TRHDE: variants seen among roughly 807,000 people sequenced by gnomAD.
TRHDE encodes thyrotropin-releasing hormone-degrading ectoenzyme.
In TRHDE, 72 loss-of-function variants were observed where a neutral mutation model predicts 125.7. The observed-to-expected ratio is 0.57, with a 90% CI of 0.47 to 0.70. TRHDE has a LOEUF of 0.70. Ranked by LOEUF, TRHDE falls within the 30% of genes least tolerant of loss-of-function variation. The pLI is 0.00. For missense variants in TRHDE, 1,110 were observed against 1,327.1 expected (o/e 0.84, Z 2.54); for synonymous variants, 509 against 509.1 (o/e 1.00, Z 0.00).
At chr12:72,452,655 T>C (rs894598403) in intron 3 of TRHDE, among the ~76,000 whole-genome samples, 6 of 152,128 alleles carry the variant, frequency 3.9e-5, no homozygotes, top group African/African-American at 1.2e-4. Flanking sequence ...CTGTTGAAGA[T>C]GGGGCCTGAT....
chr12:72,277,907 T>C (rs1310243503), intron 1 of TRHDE, among the ~76,000 whole-genome samples: 2 of 152,194 alleles, frequency 1.3e-5, no homozygotes, highest in African/African-American at 4.8e-5. Flanking sequence ...ATGTAGTTAA[T>C]TAACAAATGC....
intron 2 of TRHDE, among the ~76,000 whole-genome samples, chr12:72,295,156 G>T (rs1264296156): frequency 6.7e-6 from 1 of 149,144 alleles, no homozygotes; most frequent in Non-Finnish European, 1.5e-5. Context: ...GGGTGGTTGG[G>T]GGGTGGGAGG....
chr12:72,633,473 C>G (rs551333208), intron 15 of TRHDE, among the ~76,000 whole-genome samples: 36 of 152,110 alleles, frequency 2.4e-4, no homozygotes, highest in African/African-American at 8.2e-4. Flanking sequence ...TCCTTTGTTT[C>G]GAGATTTTCC....
intron 3 of TRHDE, among the ~76,000 whole-genome samples, chr12:72,457,151 C>T (rs950722726): frequency 1.3e-5 from 2 of 151,932 alleles, no homozygotes; most frequent in Non-Finnish European, 2.9e-5. Context: ...GATGGTATTT[C>T]GAACGGAAAG....
At position 72,469,278 on chromosome 12, in the gene TRHDE, T is replaced by C. The variant is rs986145751; in HGVS notation, c.1316-480T>C. ...TGTAACATATTTCTTTTAACATAAC[T>C]GAAAAAATACACTAGAATTTAAGCA... is the stretch of plus-strand genomic sequence containing the variant. On this transcript the variant is annotated intron_variant, in intron 3 of 18. Transcript: ENST00000261180. 3.9e-5 allele frequency among the ~76,000 whole-genome samples: 6 copies of C among 152,138 alleles called. No individual in the cohort carries two copies. In the South Asian group the frequency reaches 1.2e-3, roughly 32 times the overall value.
chr12:72,300,478 A>G (rs950213016), intron 2 of TRHDE, among the ~76,000 whole-genome samples: 1 of 151,834 alleles, frequency 6.6e-6, no homozygotes, highest in African/African-American at 2.4e-5. Flanking sequence ...ATACACATAG[A>G]CATATACATG....
intron 2 of TRHDE, among the ~76,000 whole-genome samples, chr12:72,316,157 G>A (rs776128760): frequency 1.6e-4 from 24 of 152,030 alleles, no homozygotes; most frequent in Non-Finnish European, 3.1e-4. Context: ...ATTTTTCCTT[G>A]AAAAGACACT....
At chr12:72,216,056 A>G (rs1877883850) in intron 2 of TRHDE, among the ~76,000 whole-genome samples, 1 of 152,148 alleles carries the variant, frequency 6.6e-6, no homozygotes, top group Non-Finnish European at 1.5e-5. Context: ...CCTTTTCTTC[A>G]TTTGTAAGAT....
At chr12:72,591,913 G>A (rs1200170453) in intron 12 of TRHDE, among the ~76,000 whole-genome samples, 1 of 151,152 alleles carries the variant, frequency 6.6e-6, no homozygotes, top group Non-Finnish European at 1.5e-5. Context: ...TGTATTCAAA[G>A]TGTGATTTTT....
intron 2 of TRHDE, among the ~76,000 whole-genome samples, chr12:72,125,950 C>T (rs1024855962): frequency 2.0e-5 from 3 of 152,024 alleles, no homozygotes; most frequent in Non-Finnish European, 2.9e-5. Flanking sequence ...CCTGAGTTTG[C>T]AGAACAGAGT....
chr12:72,404,332 T>C (rs529907961), intron 3 of TRHDE, among the ~76,000 whole-genome samples: 1 of 152,250 alleles, frequency 6.6e-6, no homozygotes, highest in African/African-American at 2.4e-5. Context: ...CTGCAGAGGC[T>C]GAGACAGGAG....
chr12:72,212,897 G>A (rs1052752012), intron 2 of TRHDE, among the ~76,000 whole-genome samples: 9 of 152,026 alleles, frequency 5.9e-5, no homozygotes, highest in African/African-American at 1.7e-4. Context: ...TCATAGCAGC[G>A]TTATTCATAA....
At position 72,287,292 on chromosome 12, in the gene TRHDE, C is replaced by T. The variant is rs1236518687; in HGVS notation, c.1188+338C>T. On this transcript the variant is annotated intron_variant, in intron 2 of 18. Transcript: ENST00000261180. ...TTGCCTGTTTGTATGACTGGGAAAA[C>T]TACTTCTTTTTATTGTAATGTATTT... Among the ~76,000 whole-genome samples, 5 of 152,112 alleles carry T rather than the reference C, an allele frequency of 3.3e-5. No homozygotes were observed. The East Asian group carries it at 9.6e-4, about 29-fold the overall frequency.
intron 3 of TRHDE, among the ~76,000 whole-genome samples, chr12:72,447,362 C>A (rs1037472587): frequency 3.9e-5 from 6 of 151,974 alleles, no homozygotes; most frequent in Admixed American, 6.6e-5. Flanking sequence ...GACACATTTA[C>A]AGCAGTGTGT....
chr12:72,382,104 G>A (rs747050869), intron 3 of TRHDE, among the ~76,000 whole-genome samples: 3 of 152,158 alleles, frequency 2.0e-5, no homozygotes, highest in African/African-American at 2.4e-5. Context: ...ACTACTGAGC[G>A]GGAGCATGTA....
intron 3 of TRHDE, among the ~76,000 whole-genome samples, chr12:72,379,346 C>T (rs947406816): frequency 5.3e-5 from 8 of 152,180 alleles, no homozygotes; most frequent in African/African-American, 1.4e-4. Context: ...TATTTTAAAC[C>T]GGATCAATGT....
intron 3 of TRHDE, among the ~76,000 whole-genome samples, chr12:72,427,379 C>T (rs1343861381): frequency 6.6e-6 from 1 of 152,158 alleles, no homozygotes; most frequent in Non-Finnish European, 1.5e-5. Context: ...TCCTCTTCAG[C>T]TTCTGGGTAG....
intron 3 of TRHDE, among the ~76,000 whole-genome samples, chr12:72,459,814 G>T (rs1876039454): frequency 6.6e-6 from 1 of 152,014 alleles, no homozygotes; most frequent in Admixed American, 6.6e-5. Flanking sequence ...AACAATGTCT[G>T]ACTATGTTGC....
chr12:72,320,601 G>A (rs768396989), intron 2 of TRHDE, among the ~76,000 whole-genome samples: 13 of 149,488 alleles, frequency 8.7e-5, no homozygotes, highest in Admixed American at 1.3e-4. Flanking sequence ...ACAGAATTGC[G>A]TTGGCTCTTC....
Sources: gnomAD v4.1 joint callset for allele counts (sites outside exome capture counted in the v4.1 genomes callset) on GRCh38, gnomAD v4.1.1 for gene constraint, MANE v1.5 for transcripts, NCBI Gene and HGNC (gene_info 2026-07-23, HGNC 2026-07-21) for gene names.